BLVRB: variants seen among roughly 807,000 people sequenced by gnomAD.
BLVRB encodes the protein flavin reductase (NADPH).
In BLVRB, 25 loss-of-function variants were observed where a neutral mutation model predicts 21.1. The observed-to-expected ratio is 1.19, with a 90% CI of 0.86 to 1.66. BLVRB has a LOEUF of 1.66. BLVRB is among the 40% of genes most tolerant of loss of function. The pLI, the probability that BLVRB is intolerant of heterozygous loss-of-function variation, is 0.00. For synonymous variants in BLVRB, 128 were observed against 122.2 expected, an observed-to-expected ratio of 1.05 and a Z score of -0.31; for missense variants, 274 against 282.7, an observed-to-expected ratio of 0.97 and a Z score of 0.22.
intron 3 of BLVRB, among the ~76,000 whole-genome samples, chr19:40,454,457 T>G (rs1326279997): frequency 3.3e-5 from 5 of 151,954 alleles, no homozygotes; most frequent in African/African-American, 1.2e-4. Context: ...ATGAGAAAAC[T>G]GCGGTGCAGA....
intron 1 of BLVRB, among the ~76,000 whole-genome samples, chr19:40,461,887 A>G (rs1458195190): frequency 6.6e-6 from 1 of 151,790 alleles, no homozygotes; most frequent in Non-Finnish European, 1.5e-5. Context: ...TGCCTGGAAC[A>G]CCCTTTACCC....
Position 40,447,852 on chromosome 19 carries a change from G to T in BLVRB, c.*37C>A. ...ATTGCCCCCTTCCTTTGCTCCTCAT[G>T]TCCCAGAATGCCACCCTCCCAGATG... On this transcript the variant is annotated 3_prime_UTR_variant, in exon 5 of 5. Transcript: ENST00000263368. The T allele has an allele frequency of 6.3e-7, 1 of 1,593,292 alleles. No homozygotes were observed. The highest frequency in any genetic ancestry group is 8.6e-7 in the Non-Finnish European group (1 of 1,163,618).
chr19:40,450,130 A>G (rs2079732544), intron 4 of BLVRB: 1 of 141,260 alleles, frequency 7.1e-6, no homozygotes, highest in African/African-American at 2.7e-5. Flanking sequence ...CCCAGGAGGC[A>G]AAAGGTTGCA....
chr19:40,451,827 C>A (rs34288924), intron 3 of BLVRB, among the ~76,000 whole-genome samples: 17,900 of 152,168 alleles, frequency 0.12, 1,103 homozygotes, highest in South Asian at 0.16. Context: ...GCCATTGTGC[C>A]CAGCCAAGGG....
chr19:40,451,637 A>G, intron 3 of BLVRB, 145 bp from the exon 4 acceptor site: 1 of 1,172,500 alleles, frequency 8.5e-7, no homozygotes, highest in Non-Finnish European at 1.1e-6. Context: ...GGTTCAAGCA[A>G]TTCTCCTGCC....
At position 40,447,973 on chromosome 19, in the gene BLVRB, A is replaced by G; in HGVS notation, c.537T>C (p.His179=). ...AGCGCAGCATGAAATGGCCCAGGTCATGTTTGGAGATGACCCTTGAGGGCC... is the reference window on the plus strand; with the variant it reads ...AGCGCAGCATGAAATGGCCCAGGTCGTGTTTGGAGATGACCCTTGAGGGCC... ...GRGPSRVISK[H]DLGHFMLRCL... Residue 179 remains histidine, a synonymous_variant, in exon 5 of 5, where the codon CAT becomes CAC. Transcript: ENST00000263368. 1 of 1,614,034 alleles carries G rather than the reference A, an allele frequency of 6.2e-7. No homozygotes were observed. The highest frequency in any genetic ancestry group is 2.2e-5 in the East Asian group (1 of 44,856).
At chr19:40,448,233 C>T (rs2079722996) in intron 4 of BLVRB, among the ~76,000 whole-genome samples, 187 bp from the exon 5 acceptor site, 1 of 152,028 alleles carries the variant, frequency 6.6e-6, no homozygotes, top group South Asian at 2.1e-4. Flanking sequence ...TCGATAAATC[C>T]TTATTGATTA....
At chr19:40,453,933 T>C (rs1297545759) in intron 3 of BLVRB, among the ~76,000 whole-genome samples, 1 of 152,122 alleles carries the variant, frequency 6.6e-6, no homozygotes, top group Admixed American at 6.6e-5. Flanking sequence ...TGCAGTGAGC[T>C]GTGATTGCAC....
intron 3 of BLVRB, among the ~76,000 whole-genome samples, chr19:40,453,500 A>G (rs1411855144): frequency 3.9e-5 from 6 of 152,198 alleles, no homozygotes; most frequent in African/African-American, 1.4e-4. Context: ...TTCAGGAATT[A>G]GCTTTCAACA....
chr19:40,448,580 G>A (rs1374668531), intron 4 of BLVRB, among the ~76,000 whole-genome samples: 1 of 144,750 alleles, frequency 6.9e-6, no homozygotes, highest in African/African-American at 2.5e-5. Context: ...GACAGAGCAA[G>A]ACCTTGTCTC....
At chr19:40,451,206 A>G (rs1031218046) in intron 4 of BLVRB, among the ~76,000 whole-genome samples, 158 bp downstream of exon 4, 1 of 152,198 alleles carries the variant, frequency 6.6e-6, no homozygotes, top group Non-Finnish European at 1.5e-5. Context: ...TAGGAGTTGT[A>G]TGCCAGGAAA....
intron 3 of BLVRB, 21 bp from the exon 4 acceptor site, chr19:40,451,513 G>C (rs750778336): frequency 6.4e-7 from 1 of 1,572,174 alleles, no homozygotes; most frequent in South Asian, 1.2e-5. Context: ...CACAGGGCAG[G>C]ATCAGCCTGG....
rs769570603 is a variant in BLVRB, at chr19:40,465,730, C to T, written c.-42G>A. The T allele has an allele frequency of 2.5e-6, 4 of 1,598,228 alleles. No homozygotes were observed. In the South Asian group the frequency reaches 4.5e-5, roughly 18 times the overall value. On this transcript the variant is annotated 5_prime_UTR_variant, in exon 1 of 5. In the 5' UTR this introduces an upstream ATG that the reference lacks. Transcript: ENST00000263368. ...GGTGCAAGGCCTCAGAGTCTCGGCA[C>T]GCGCGGGAACCCACTGGCTGCTGGG...
rs1158941765 is a variant in BLVRB, at chr19:40,458,499, T to G, written c.126A>C (p.Ser42=). ...VLVRDSSRLP[S]EGPRPAHVVV... ...CCACGTGGGCCGGCCGGGGCCCCTCTGATGGCAGCCTGGAGGAGTCCCGCA... is the reference window on the plus strand; with the variant it reads ...CCACGTGGGCCGGCCGGGGCCCCTCGGATGGCAGCCTGGAGGAGTCCCGCA... Residue 42 remains serine, a synonymous_variant, in exon 2 of 5, where the codon TCA becomes TCC. Transcript: ENST00000263368. 2 of 1,611,738 alleles carry G rather than the reference T, an allele frequency of 1.2e-6. No homozygotes were observed. Among genetic ancestry groups the G allele is most frequent in the Non-Finnish European group, 1.7e-6 (2 of 1,179,342 alleles).
rs1223233988 is a variant in BLVRB, at chr19:40,460,245, A to AATATATATATATATATAT, written c.80-1701_80-1700insATATATATATATATATAT. ...TAACATTTGGGTATACTGTAATAGCAACATATATATATATATATATATATA... is the reference window on the plus strand; with the variant it reads ...TAACATTTGGGTATACTGTAATAGCAATATATATATATATATATACATATATATATATATATATATATA... On this transcript the variant is annotated intron_variant, in intron 1 of 4. Transcript: ENST00000263368. 8.6e-3 allele frequency among the ~76,000 whole-genome samples: 458 copies of AATATATATATATATATAT among 53,444 alleles called. 23 individuals are homozygous for AATATATATATATATATAT. Among genetic ancestry groups the AATATATATATATATATAT allele is most frequent in the South Asian group, 0.017 (30 of 1,742 alleles). The allele number at this position is 53,444 out of a possible 152,430, so 35.1% of individuals were successfully genotyped here.
At chr19:40,448,783 A>G (rs532045989) in intron 4 of BLVRB, among the ~76,000 whole-genome samples, 1 of 151,732 alleles carries the variant, frequency 6.6e-6, no homozygotes, top group African/African-American at 2.4e-5. Context: ...TTTGCTTGGG[A>G]CAAAGCAGAC....
At chr19:40,451,967 A>G (rs1481004462) in intron 3 of BLVRB, among the ~76,000 whole-genome samples, 1 of 152,046 alleles carries the variant, frequency 6.6e-6, no homozygotes, top group Non-Finnish European at 1.5e-5. Context: ...GCTGATCACA[A>G]TAATTCCAAA....
rs1180237929 is a variant in BLVRB, at chr19:40,447,886, G to C, written c.*3C>G. On this transcript the variant is annotated 3_prime_UTR_variant, in exon 5 of 5. Transcript: ENST00000263368. ...TGCCACCCTCCCAGATGGGGACAGA[G>C]TGCTACTGGTACTGGTGGGAGGGGT... The C allele has an allele frequency of 6.2e-7, 1 of 1,613,216 alleles. No homozygotes were observed.
At position 40,451,463 on chromosome 19, in the gene BLVRB, G is replaced by T; in HGVS notation, c.364C>A (p.Pro122Thr). 4.3e-6 allele frequency: 7 copies of T among 1,613,322 alleles called. No homozygotes were observed. The highest frequency in any genetic ancestry group is 5.9e-6 in the Non-Finnish European group (7 of 1,179,710). Reference sequence around the variant, plus strand: ...TCAGTCACAGCCTGCAGTCGTGGGGGCACCTTGGTAGGGTCCCAGAGCAGG... The same window carrying T: ...TCAGTCACAGCCTGCAGTCGTGGGGTCACCTTGGTAGGGTCCCAGAGCAGG... ...AFLLWDPTKV[P>T]PRLQAVTDDH... Residue 122 changes from proline (P) to threonine (T), a missense_variant, in exon 4 of 5, where the codon CCC becomes ACC. Transcript: ENST00000263368.
Sources: allele counts gnomAD v4.1 joint callset (sites outside exome capture counted in the v4.1 genomes callset), GRCh38; gene constraint gnomAD v4.1.1; transcripts MANE v1.5; gene names NCBI Gene and HGNC (gene_info 2026-07-23, HGNC 2026-07-21).